STK3: variants seen among roughly 807,000 people sequenced by gnomAD.
STK3 encodes the protein serine/threonine-protein kinase 3.
A neutral mutation model predicts 58.0 loss-of-function variants in STK3; 41 were observed. That is an observed-to-expected ratio of 0.71 (90% CI 0.55 to 0.92). The LOEUF (loss-of-function observed/expected upper bound fraction) is 0.92, where lower values mean the gene tolerates loss of function less well. Ranked by LOEUF, STK3 falls within the 40% of genes least tolerant of loss-of-function variation. STK3 has a pLI of 0.00. For missense variants in STK3, 479 were observed against 602.7 expected, an observed-to-expected ratio of 0.79 and a Z score of 2.15; for synonymous variants, 170 against 191.0, an observed-to-expected ratio of 0.89 and a Z score of 0.91.
intron 4 of STK3, among the ~76,000 whole-genome samples, chr8:98,720,750 CAAAAA>C (rs35529460): frequency 1.7e-4 from 16 of 94,768 alleles, no homozygotes; most frequent in Non-Finnish European, 3.4e-4. Flanking sequence ...GACTCCGTCT[CAAAAA>C]AAAAAAAAAA....
At chr8:98,370,093 T>A (rs1390869639), downstream of STK3, among the ~76,000 whole-genome samples, 1 of 150,482 alleles carries the variant, frequency 6.6e-6, no homozygotes, top group Non-Finnish European at 1.5e-5. Context: ...TTTTGATTTT[T>A]TTTTTTTTTT....
chr8:98,766,583 T>C (rs1057011542), intron 3 of STK3, among the ~76,000 whole-genome samples: 4 of 152,136 alleles, frequency 2.6e-5, no homozygotes, highest in African/African-American at 7.2e-5. Flanking sequence ...ACCTGGATAA[T>C]TTTTTCTTTT....
chr8:98,489,817 T>G (rs1822553180), intron 10 of STK3, among the ~76,000 whole-genome samples: 1 of 152,230 alleles, frequency 6.6e-6, no homozygotes, highest in Admixed American at 6.5e-5. Flanking sequence ...CTTATGCAAT[T>G]AATTCACATT....
chr8:98,612,210 A>G lies in STK3; in HGVS notation c.685-16041T>C, dbSNP rs138060037. On this transcript the variant is annotated intron_variant, in intron 6 of 10. Transcript: ENST00000419617. ...AGATAGAGTAGATGTACATTTTCCT[A>G]TTTCTCTCGTTAAGTACAACCAAAA... Among the ~76,000 whole-genome samples, 244 of 150,700 alleles carry G rather than the reference A, an allele frequency of 1.6e-3. No individual in the cohort carries two copies. The Middle Eastern group carries it at 0.031, about 19-fold the overall frequency.
At chr8:98,429,156 G>C in intron 3 of STK3, 1 of 1,613,636 alleles carries the variant, frequency 6.2e-7, no homozygotes, top group Non-Finnish European at 8.5e-7. Flanking sequence ...GACTGCCTCT[G>C]CCTGCATCTT....
At chr8:98,689,422 C>T (rs1018303066) in intron 6 of STK3, among the ~76,000 whole-genome samples, 3 of 151,846 alleles carry the variant, frequency 2.0e-5, no homozygotes, top group African/African-American at 7.3e-5. Context: ...AAAGACATAA[C>T]AAAAAAAGAA....
chr8:98,580,991 T>A (rs1813833040), intron 7 of STK3, among the ~76,000 whole-genome samples: 1 of 152,234 alleles, frequency 6.6e-6, no homozygotes, highest in African/African-American at 2.4e-5. Flanking sequence ...TAGATTAATC[T>A]TACCAAACAA....
chr8:98,435,539 C>G (rs1818455712), intron 2 of STK3, among the ~76,000 whole-genome samples: 1 of 150,328 alleles, frequency 6.7e-6, no homozygotes, highest in Non-Finnish European at 1.5e-5. Flanking sequence ...AGGTCACGGT[C>G]ACAGTATAGA....
At chr8:98,441,504 G>A (rs1367584268) in intron 1 of STK3, among the ~76,000 whole-genome samples, 1 of 152,182 alleles carries the variant, frequency 6.6e-6, no homozygotes, top group African/African-American at 2.4e-5. Context: ...ACTGGCAAGT[G>A]GCAGAGCTGG....
chr8:98,530,964 G>A (rs899725173), intron 9 of STK3, among the ~76,000 whole-genome samples: 4 of 152,222 alleles, frequency 2.6e-5, no homozygotes, highest in African/African-American at 9.7e-5. Context: ...TCTTCAGGCT[G>A]TACTTCCAAG....
At chr8:98,831,717 G>A (rs1835540133) in intron 3 of STK3, among the ~76,000 whole-genome samples, 1 of 152,162 alleles carries the variant, frequency 6.6e-6, no homozygotes. Context: ...CCTTCAAGAG[G>A]TAACTTTACA....
chr8:98,347,688 T>G, the STK3 span, among the ~76,000 whole-genome samples: 5 of 152,092 alleles, frequency 3.3e-5, no homozygotes, highest in Non-Finnish European at 5.9e-5. Context: ...CAATCTCAAT[T>G]AAAAGGCAGA....
At chr8:98,413,782 C>T in intron 3 of STK3, 2 of 648,640 alleles carry the variant, frequency 3.1e-6, no homozygotes, top group Non-Finnish European at 5.9e-6. Context: ...CATCGTCATC[C>T]ATCTTCTCCG....
chr8:98,879,761 T>C (rs926679518), downstream of STK3: 5 of 152,202 alleles, frequency 3.3e-5, no homozygotes, highest in Admixed American at 6.5e-5. Context: ...TAAAAACAAC[T>C]GAGAAATATC....
At chr8:98,813,535 T>C (rs1834357025) in intron 1 of STK3, among the ~76,000 whole-genome samples, 1 of 152,202 alleles carries the variant, frequency 6.6e-6, no homozygotes. Context: ...TCATACCATT[T>C]CCTCTTAAGT....
chr8:98,797,324 C>T (rs1468223701), intron 1 of STK3, among the ~76,000 whole-genome samples: 4 of 152,166 alleles, frequency 2.6e-5, no homozygotes, highest in East Asian at 1.9e-4. Context: ...AAAAATATTC[C>T]TATCCTTCCC....
intron 2 of STK3, among the ~76,000 whole-genome samples, chr8:98,378,470 G>GTC (rs1037135542): frequency 1.3e-5 from 2 of 152,212 alleles, no homozygotes; most frequent in African/African-American, 4.8e-5. Flanking sequence ...GCTGCTTACT[G>GTC]TCTGTGTGAC....
chr8:98,596,289 T>C, intron 6 of STK3, 120 bp from the exon 7 acceptor site: 2 of 1,180,122 alleles, frequency 1.7e-6, no homozygotes, highest in South Asian at 4.0e-5. Context: ...TAAGCTGTTC[T>C]AGGATTTCTA....
chr8:98,530,863 C>T (rs2131505849), intron 9 of STK3, among the ~76,000 whole-genome samples: 1 of 152,326 alleles, frequency 6.6e-6, no homozygotes, highest in Non-Finnish European at 1.5e-5. Flanking sequence ...GAGTAGATTC[C>T]ATCGCAAGAA....
Sources: allele counts gnomAD v4.1 joint callset (sites outside exome capture counted in the v4.1 genomes callset), GRCh38; gene constraint gnomAD v4.1.1; transcripts MANE v1.5; gene names NCBI Gene and HGNC (gene_info 2026-07-23, HGNC 2026-07-21).